ARHGAP32: variants seen among roughly 807,000 people sequenced by gnomAD.
ARHGAP32 encodes rho GTPase-activating protein 32.
A neutral mutation model predicts 186.5 loss-of-function variants in ARHGAP32; 51 were observed. The observed-to-expected ratio is 0.27, with a 90% confidence interval of 0.22 to 0.35. The LOEUF (loss-of-function observed/expected upper bound fraction) is 0.35. Among genes scored for constraint, ARHGAP32 ranks in the 10% least tolerant of loss-of-function variants. The pLI, the probability that ARHGAP32 is intolerant of heterozygous loss-of-function variation, is 1.00. For synonymous variants in ARHGAP32, 950 were observed against 964.3 expected (o/e 0.99, Z 0.27); for missense variants, 2,186 against 2,623.5 (o/e 0.83, Z 3.64).
Position 128,966,354 on chromosome 11 carries a change from AT to A in ARHGAP32, c.*2552del, listed in dbSNP as rs1345724467. The A allele has an allele frequency of 6.6e-6, 1 of 152,230 alleles. No individual in the cohort carries two copies. The highest frequency in any genetic ancestry group is 1.5e-5 in the Non-Finnish European group (1 of 68,044). The allele number at this position is 152,230 out of a possible 1,614,324, so 9.4% of individuals were successfully genotyped here. On this transcript the variant is annotated 3_prime_UTR_variant, in exon 23 of 23. Coordinates refer to ENST00000682385, the MANE Select transcript of ARHGAP32 (RefSeq NM_001378024.1). ...CACACAAGGTGGACTGTGCTGAGGT[AT>A]CCGGCTCACAGTGATTTGCCATCCG...
intron 1 of ARHGAP32, among the ~76,000 whole-genome samples, chr11:129,244,558 C>T (rs1342099992): frequency 6.6e-6 from 1 of 152,092 alleles, no homozygotes; most frequent in East Asian, 1.9e-4. Context: ...ATGTCTAAAA[C>T]ACCAAAAGCA....
intron 1 of ARHGAP32, among the ~76,000 whole-genome samples, chr11:129,181,461 T>C (rs1944052573): frequency 6.6e-6 from 1 of 152,142 alleles, no homozygotes; most frequent in Admixed American, 6.6e-5. Context: ...TCTGTGTGCC[T>C]GGAACTGATA....
intron 1 of ARHGAP32, among the ~76,000 whole-genome samples, chr11:129,275,032 C>G (rs1945515065): frequency 6.6e-6 from 1 of 152,044 alleles, no homozygotes; most frequent in Non-Finnish European, 1.5e-5. Context: ...AGTATCTTTC[C>G]ACCCATTCTT....
At chr11:129,063,172 A>G (rs1310189872) in intron 9 of ARHGAP32, among the ~76,000 whole-genome samples, 1 of 152,138 alleles carries the variant, frequency 6.6e-6, no homozygotes, top group Non-Finnish European at 1.5e-5. Context: ...CTGATCTTAC[A>G]TATCATGTAT....
At chr11:129,112,252 T>G (rs749668845) in intron 5 of ARHGAP32, among the ~76,000 whole-genome samples, 6 of 151,846 alleles carry the variant, frequency 4.0e-5, no homozygotes, top group Non-Finnish European at 8.8e-5. Context: ...AAAAAAAAAT[T>G]TCACCATTAG....
At chr11:129,063,640 G>A (rs192051876) in intron 9 of ARHGAP32, among the ~76,000 whole-genome samples, 1 of 152,030 alleles carries the variant, frequency 6.6e-6, no homozygotes, top group Non-Finnish European at 1.5e-5. Flanking sequence ...GTTTTGGGGG[G>A]TATGTATTTG....
chr11:129,076,139 G>C (rs910133887), intron 6 of ARHGAP32, among the ~76,000 whole-genome samples: 4 of 152,084 alleles, frequency 2.6e-5, no homozygotes, highest in African/African-American at 9.7e-5. Flanking sequence ...AGATAACAAC[G>C]TCAAGAAGTT....
intron 5 of ARHGAP32, among the ~76,000 whole-genome samples, chr11:129,113,064 T>C (rs765084040): frequency 2.0e-5 from 3 of 152,166 alleles, no homozygotes; most frequent in African/African-American, 4.8e-5. Flanking sequence ...AATTTACCTC[T>C]TATTACAATG....
intron 5 of ARHGAP32, among the ~76,000 whole-genome samples, chr11:129,109,327 A>G (rs186996659): frequency 5.5e-4 from 83 of 152,106 alleles, no homozygotes; most frequent in African/African-American, 1.9e-3. Flanking sequence ...GGTTGATTCC[A>G]TATCTTTGTT....
At chr11:129,122,584 C>T (rs1467912822) in intron 5 of ARHGAP32, among the ~76,000 whole-genome samples, 1 of 152,056 alleles carries the variant, frequency 6.6e-6, no homozygotes, top group Non-Finnish European at 1.5e-5. Flanking sequence ...ATCTCTAGTG[C>T]TATTTTAAAC....
chr11:129,174,791 T>C (rs1176601698), intron 1 of ARHGAP32, among the ~76,000 whole-genome samples: 13 of 151,806 alleles, frequency 8.6e-5, no homozygotes, highest in African/African-American at 3.1e-4. Flanking sequence ...AACCCATCTG[T>C]ACATCACCAT....
chr11:129,086,023 A>AC (rs1941381707), intron 6 of ARHGAP32, among the ~76,000 whole-genome samples: 4 of 151,416 alleles, frequency 2.6e-5, no homozygotes, highest in African/African-American at 4.9e-5. Flanking sequence ...CAAACAAAAA[A>AC]AAAAAACAAA....
chr11:129,136,242 G>A (rs1452170768), intron 2 of ARHGAP32, among the ~76,000 whole-genome samples: 4 of 152,106 alleles, frequency 2.6e-5, no homozygotes, highest in Non-Finnish European at 5.9e-5. Context: ...AATCATCATA[G>A]AAATAAGGCC....
At chr11:129,248,515 G>T (rs914938680) in intron 1 of ARHGAP32, among the ~76,000 whole-genome samples, 2 of 152,082 alleles carry the variant, frequency 1.3e-5, no homozygotes, top group Non-Finnish European at 2.9e-5. Flanking sequence ...TATAAGTAGT[G>T]CTCTGTGCCT....
At chr11:129,230,950 C>T (rs1482276472) in intron 1 of ARHGAP32, among the ~76,000 whole-genome samples, 2 of 152,214 alleles carry the variant, frequency 1.3e-5, no homozygotes, top group East Asian at 3.9e-4. Flanking sequence ...GCCTGGCCAA[C>T]ATGGTGAAAC....
At chr11:129,266,877 G>A (rs1945407691) in intron 1 of ARHGAP32, among the ~76,000 whole-genome samples, 1 of 152,106 alleles carries the variant, frequency 6.6e-6, no homozygotes, top group South Asian at 2.1e-4. Context: ...CTCTTCCAGG[G>A]TCTGCTCAGG....
intron 10 of ARHGAP32, among the ~76,000 whole-genome samples, chr11:129,049,578 T>C (rs1442620999): frequency 2.6e-5 from 4 of 152,222 alleles, no homozygotes; most frequent in African/African-American, 4.8e-5. Context: ...CATCTACTTT[T>C]TATCACGATA....
At chr11:129,065,355 T>C (rs921087948) in intron 7 of ARHGAP32, among the ~76,000 whole-genome samples, 7 of 152,108 alleles carry the variant, frequency 4.6e-5, no homozygotes, top group African/African-American at 1.7e-4. Context: ...TACGTGATCC[T>C]ATACCATGGT....
chr11:129,112,563 T>C (rs1341451503), intron 5 of ARHGAP32, among the ~76,000 whole-genome samples: 1 of 152,182 alleles, frequency 6.6e-6, no homozygotes. Flanking sequence ...CATTAAAAAC[T>C]TTCCATGCAG....
Sources: gnomAD v4.1 joint callset for allele counts (sites outside exome capture counted in the v4.1 genomes callset) on GRCh38, gnomAD v4.1.1 for gene constraint, MANE v1.5 for transcripts, NCBI Gene and HGNC (gene_info 2026-07-23, HGNC 2026-07-21) for gene names.